The following ADAM7 variants were observed in gnomAD, a reference collection of about 807,000 sequenced individuals.
ADAM7 encodes the protein disintegrin and metalloproteinase domain-containing protein 7.
Under a neutral mutation model 102.9 loss-of-function variants are expected in ADAM7, and 97 were observed. The ratio of observed to expected loss-of-function variants is 0.94; its 90% CI spans 0.80 to 1.12. The LOEUF (loss-of-function observed/expected upper bound fraction) is 1.12, where lower values mean the gene tolerates loss of function less well. Ranked by LOEUF, ADAM7 falls within the 50% of genes most tolerant of loss-of-function variation. The pLI is 0.00. For missense variants in ADAM7, 991 were observed against 908.7 expected (o/e 1.09, Z -1.16); for synonymous variants, 334 against 304.4 (o/e 1.10, Z -1.01).
At chr8:24,444,809 G>A (rs1490829628) in intron 2 of ADAM7, among the ~76,000 whole-genome samples, 1 of 151,938 alleles carries the variant, frequency 6.6e-6, no homozygotes, top group African/African-American at 2.4e-5. Flanking sequence ...AGCACATCAG[G>A]GAAAAACTAA....
intron 9 of ADAM7, among the ~76,000 whole-genome samples, chr8:24,483,897 C>T (rs887284557): frequency 6.6e-6 from 1 of 152,142 alleles, no homozygotes; most frequent in South Asian, 2.1e-4. Flanking sequence ...CTTCTCATAT[C>T]AATAGGATGT....
At chr8:24,495,245 C>T (rs575209538) in intron 16 of ADAM7, among the ~76,000 whole-genome samples, 2 of 152,122 alleles carry the variant, frequency 1.3e-5, no homozygotes, top group African/African-American at 4.8e-5. Flanking sequence ...ACTCTTCAAA[C>T]AAAGAACCAG....
At chr8:24,480,393 C>CA (rs1225797482) in intron 8 of ADAM7, among the ~76,000 whole-genome samples, 1 of 152,092 alleles carries the variant, frequency 6.6e-6, no homozygotes, top group Admixed American at 6.6e-5. Flanking sequence ...AGCCCATACT[C>CA]ACGTTATTTC....
intron 7 of ADAM7, among the ~76,000 whole-genome samples, chr8:24,469,816 G>A (rs1332429614): frequency 1.3e-5 from 2 of 152,052 alleles, no homozygotes; most frequent in South Asian, 2.1e-4. Context: ...AAAGGAAAAC[G>A]TATATACCCT....
chr8:24,506,227 T>A (rs1168936899), intron 20 of ADAM7: 4 of 1,252,060 alleles, frequency 3.2e-6, no homozygotes, highest in African/African-American at 1.5e-5. Context: ...TGAAACTTAA[T>A]CATTTGTTGG....
chr8:24,489,048 C>T (rs1478129470), intron 11 of ADAM7, 111 bp from the exon 12 acceptor site: 6 of 1,008,372 alleles, frequency 6.0e-6, no homozygotes, highest in African/African-American at 1.7e-5. Context: ...CCTGCTCTAA[C>T]AGTAAACATT....
At chr8:24,507,373 G>A (rs905617422) in intron 20 of ADAM7, 107 bp from the exon 21 acceptor site, 39 of 818,714 alleles carry the variant, frequency 4.8e-5, no homozygotes, top group African/African-American at 3.4e-5. Flanking sequence ...GGTGGCCTGC[G>A]TGTGTATGTG....
chr8:24,459,010 T>A (rs1819142004), intron 3 of ADAM7, among the ~76,000 whole-genome samples: 1 of 151,962 alleles, frequency 6.6e-6, no homozygotes, highest in African/African-American at 2.4e-5. Context: ...TTGCAATAGA[T>A]TTGTCAAATT....
At chr8:24,507,043 A>G (rs532394943) in intron 20 of ADAM7, among the ~76,000 whole-genome samples, 40 of 152,178 alleles carry the variant, frequency 2.6e-4, no homozygotes, top group Non-Finnish European at 5.4e-4. Context: ...CAAAAGGATT[A>G]CAGAAAGTGG....
chr8:24,464,817 T>C (rs1339906839), intron 4 of ADAM7, among the ~76,000 whole-genome samples: 1 of 122,768 alleles, frequency 8.1e-6, no homozygotes, highest in Non-Finnish European at 1.8e-5. Context: ...GCCAGGATGG[T>C]CTCGATCTCT....
At chr8:24,488,159 A>T (rs1820208478) in intron 11 of ADAM7, among the ~76,000 whole-genome samples, 1 of 152,128 alleles carries the variant, frequency 6.6e-6, no homozygotes, top group African/African-American at 2.4e-5. Context: ...CTTCTGCTGG[A>T]ATATAAGCTA....
At chr8:24,494,564 T>C (rs575823533) in intron 16 of ADAM7, among the ~76,000 whole-genome samples, 2 of 152,314 alleles carry the variant, frequency 1.3e-5, no homozygotes, top group African/African-American at 4.8e-5. Context: ...TGTGACCACG[T>C]ACTCCGCATA....
chr8:24,450,975 C>G (rs1319041136), intron 3 of ADAM7, among the ~76,000 whole-genome samples: 2 of 152,038 alleles, frequency 1.3e-5, no homozygotes, highest in Non-Finnish European at 2.9e-5. Flanking sequence ...TATATTGAAC[C>G]AGCCTTGCAT....
intron 13 of ADAM7, 24 bp downstream of exon 13, chr8:24,490,912 G>GC (rs1820323985): frequency 7.8e-7 from 1 of 1,285,224 alleles, no homozygotes; most frequent in Non-Finnish European, 1.1e-6. Context: ...CCAGGAGAAG[G>GC]TTTTTTTTTT....
intron 18 of ADAM7, 105 bp downstream of exon 18, chr8:24,500,361 GA>G: frequency 2.0e-6 from 2 of 1,003,716 alleles, no homozygotes; most frequent in Non-Finnish European, 3.0e-6. Flanking sequence ...TTTTGATATG[GA>G]TTTGTATGGT....
intron 8 of ADAM7, 25 bp downstream of exon 8, chr8:24,476,529 T>A (rs780315494): frequency 6.4e-7 from 1 of 1,566,210 alleles, no homozygotes; most frequent in Non-Finnish European, 8.8e-7. Context: ...AGTTTTTGAA[T>A]CAAGCCAATA....
intron 8 of ADAM7, among the ~76,000 whole-genome samples, chr8:24,479,053 T>C (rs1460161628): frequency 6.6e-6 from 1 of 152,174 alleles, no homozygotes; most frequent in African/African-American, 2.4e-5. Flanking sequence ...TTTCTGTTCC[T>C]TTCTCGACTT....
At chr8:24,467,559 GTA>G (rs1209408076) in intron 6 of ADAM7, 2 of 153,670 alleles carry the variant, frequency 1.3e-5, no homozygotes, top group East Asian at 3.8e-4. Context: ...TCCATGATTT[GTA>G]TAGTGTCTGA....
chr8:24,452,106 C>A (rs1373748051), intron 3 of ADAM7, among the ~76,000 whole-genome samples: 1 of 151,336 alleles, frequency 6.6e-6, no homozygotes, highest in Non-Finnish European at 1.5e-5. Flanking sequence ...TGGTGTGGTG[C>A]TGAAAAAAAT....
Sources: gnomAD v4.1 joint callset for allele counts (sites outside exome capture counted in the v4.1 genomes callset) on GRCh38, gnomAD v4.1.1 for gene constraint, MANE v1.5 for transcripts, NCBI Gene and HGNC (gene_info 2026-07-23, HGNC 2026-07-21) for gene names.